Variants in CPA6 observed in about 807,000 individuals in gnomAD.
CPA6 encodes the protein carboxypeptidase A6, also known as carboxypeptidase B.
A neutral mutation model predicts 63.3 loss-of-function variants in CPA6; 58 were observed. The observed-to-expected ratio is 0.92, with a 90% CI of 0.74 to 1.14. The LOEUF is 1.14. CPA6 is among the 50% of genes most tolerant of loss of function. The pLI is 0.00. For synonymous variants in CPA6, 185 were observed against 179.0 expected (o/e 1.03, Z -0.27); for missense variants, 565 against 526.6 (o/e 1.07, Z -0.71).
At chr8:67,461,377 G>T (rs1269464218) in intron 8 of CPA6, among the ~76,000 whole-genome samples, 1 of 147,052 alleles carries the variant, frequency 6.8e-6, no homozygotes, top group Non-Finnish European at 1.5e-5. Flanking sequence ...CAGGGTTGGG[G>T]GTAAGGTCAC....
intron 1 of CPA6, among the ~76,000 whole-genome samples, chr8:67,658,239 A>G (rs539794901): frequency 7.2e-5 from 11 of 152,304 alleles, no homozygotes; most frequent in African/African-American, 1.9e-4. Context: ...TTTGTGTATC[A>G]TAAGTGCTGC....
intron 1 of CPA6, among the ~76,000 whole-genome samples, chr8:67,636,039 C>T (rs1035304968): frequency 2.6e-5 from 4 of 151,464 alleles, no homozygotes; most frequent in African/African-American, 9.8e-5. Context: ...AACTGAGTCT[C>T]GATTAGCCAC....
intron 1 of CPA6, among the ~76,000 whole-genome samples, chr8:67,713,099 G>GTA (rs67842734): frequency 0.036 from 1,959 of 54,776 alleles, 41 homozygotes; most frequent in Admixed American, 0.048. Flanking sequence ...GTGTGTGTGT[G>GTA]TATATATATA....
At chr8:67,675,019 T>C (rs1816438392) in intron 1 of CPA6, among the ~76,000 whole-genome samples, 1 of 152,132 alleles carries the variant, frequency 6.6e-6, no homozygotes, top group Non-Finnish European at 1.5e-5. Flanking sequence ...TGCAGATTAC[T>C]AGAGGGAGGG....
chr8:67,562,345 A>AT (rs1813232704), intron 2 of CPA6, among the ~76,000 whole-genome samples: 2 of 151,814 alleles, frequency 1.3e-5, no homozygotes, highest in Admixed American at 6.6e-5. Context: ...ACAGCTCTAT[A>AT]TTTTTTTCCA....
intron 2 of CPA6, among the ~76,000 whole-genome samples, chr8:67,617,930 T>C (rs1814995459): frequency 1.1e-5 from 1 of 91,110 alleles, no homozygotes. Context: ...CATGGCTGTT[T>C]GTTTTTGCAG....
Position 67,434,623 on chromosome 8 carries a change from C to G in CPA6, c.839-383G>C, listed in dbSNP as rs547138499. ...AAAGAAAAGGCTATGCTGCCTACAG[C>G]GTCTGCTCCACCCCTGCTGCCCGCT... On this transcript the variant is annotated intron_variant, in intron 8 of 10. Coordinates refer to ENST00000297770, the MANE Select transcript of CPA6 (RefSeq NM_020361.5). 3.9e-5 allele frequency among the ~76,000 whole-genome samples: 6 copies of G among 152,320 alleles called. No homozygotes were observed. The South Asian group carries it at 1.2e-3, about 32-fold the overall frequency.
At chr8:67,654,345 T>A (rs1815930299) in intron 1 of CPA6, among the ~76,000 whole-genome samples, 1 of 152,232 alleles carries the variant, frequency 6.6e-6, no homozygotes, top group African/African-American at 2.4e-5. Flanking sequence ...GTACCTCTAG[T>A]AGAATTCGGC....
At chr8:67,685,136 T>G (rs1816685278) in intron 1 of CPA6, among the ~76,000 whole-genome samples, 1 of 152,174 alleles carries the variant, frequency 6.6e-6, no homozygotes, top group African/African-American at 2.4e-5. Flanking sequence ...AATTTTTTCT[T>G]TAACATTCTT....
rs868426316 is a variant in CPA6, at chr8:67,467,481, G to A, written c.838+16287C>T. Among the ~76,000 whole-genome samples, 53 of 152,242 alleles carry A rather than the reference G, an allele frequency of 3.5e-4. No individual in the cohort carries two copies. In the Middle Eastern group the frequency reaches 0.017, roughly 49 times the overall value. ...TGCCAAATCTTGGTAAGTAGTGCTT[G>A]TATCCACCAGGTACTCTAACCAGAA... On this transcript the variant is annotated intron_variant, in intron 8 of 10. Transcript: ENST00000297770.
intron 1 of CPA6, among the ~76,000 whole-genome samples, chr8:67,667,202 C>A (rs1816249884): frequency 6.6e-6 from 1 of 152,142 alleles, no homozygotes; most frequent in African/African-American, 2.4e-5. Flanking sequence ...ATTGGTTCAG[C>A]ATGTCAAGAA....
At chr8:67,497,108 G>C (rs181014946) in intron 6 of CPA6, among the ~76,000 whole-genome samples, 1 of 152,100 alleles carries the variant, frequency 6.6e-6, no homozygotes, top group African/African-American at 2.4e-5. Flanking sequence ...TTCTTATTGA[G>C]ATACGATTCA....
intron 2 of CPA6, among the ~76,000 whole-genome samples, chr8:67,546,414 G>A (rs1278504025): frequency 6.6e-6 from 1 of 152,190 alleles, no homozygotes; most frequent in African/African-American, 2.4e-5. Context: ...GTCCCTCAAG[G>A]TTGGTTCAAA....
intron 9 of CPA6, among the ~76,000 whole-genome samples, chr8:67,431,609 A>G (rs546330364): frequency 3.7e-4 from 56 of 152,288 alleles, no homozygotes; most frequent in Admixed American, 6.5e-4. Context: ...CACGTAAAAA[A>G]AAGTCTGAAC....
chr8:67,463,987 A>G (rs141058435), intron 8 of CPA6, among the ~76,000 whole-genome samples: 2,115 of 152,280 alleles, frequency 0.014, 51 homozygotes, highest in African/African-American at 0.048. Flanking sequence ...ACGCGAGCGC[A>G]TGTGTCTTTT....
intron 1 of CPA6, among the ~76,000 whole-genome samples, chr8:67,658,764 A>G (rs1022481255): frequency 6.6e-6 from 1 of 152,160 alleles, no homozygotes; most frequent in Non-Finnish European, 1.5e-5. Context: ...CCTAAGCCAG[A>G]AAGTGAGGTC....
chr8:67,532,375 G>A (rs193192220), intron 2 of CPA6, among the ~76,000 whole-genome samples: 5 of 139,152 alleles, frequency 3.6e-5, no homozygotes, highest in East Asian at 4.2e-4. Flanking sequence ...ACCTTAAGCC[G>A]GTGTAATTGA....
At chr8:67,441,066 G>A (rs2128953774) in intron 8 of CPA6, among the ~76,000 whole-genome samples, 1 of 152,270 alleles carries the variant, frequency 6.6e-6, no homozygotes, top group East Asian at 1.9e-4. Flanking sequence ...CCACAGTTTT[G>A]AGGAATTATC....
intron 6 of CPA6, among the ~76,000 whole-genome samples, chr8:67,494,512 A>T (rs1811670020): frequency 6.6e-6 from 1 of 152,170 alleles, no homozygotes; most frequent in African/African-American, 2.4e-5. Context: ...TGAGATACTC[A>T]ATCTGGGAGG....
Sources: gnomAD v4.1 joint callset for allele counts (sites outside exome capture counted in the v4.1 genomes callset) on GRCh38, gnomAD v4.1.1 for gene constraint, MANE v1.5 for transcripts, NCBI Gene and HGNC (gene_info 2026-07-23, HGNC 2026-07-21) for gene names.